The following SKA1 variants were observed in gnomAD, a reference collection of about 807,000 sequenced individuals.
SKA1 encodes SKA complex subunit 1.
A neutral mutation model predicts 31.8 loss-of-function variants in SKA1; 20 were observed. The observed-to-expected ratio is 0.63, with a 90% CI of 0.44 to 0.91. The LOEUF is 0.91. Among genes scored for constraint, SKA1 ranks in the 40% least tolerant of loss-of-function variants. The probability of loss-of-function intolerance (pLI) is 0.00; values close to 1 mark genes in which losing one functional copy is unlikely to be tolerated. For synonymous variants in SKA1, 88 were observed against 100.5 expected, an observed-to-expected ratio of 0.88 and a Z score of 0.74; for missense variants, 253 against 298.2, an observed-to-expected ratio of 0.85 and a Z score of 1.12.
rs1271981373 is a variant in SKA1 at position 50,393,121 on chromosome 18, A to G, written c.*874A>G. ...TACTAGGCACATAATGGAACTAAAA[A>G]ATGCTCATGTCCAGTTTTTGTGTTG... On this transcript the variant is annotated 3_prime_UTR_variant, in exon 7 of 7. Transcript: ENST00000285116. 2 of 152,292 alleles carry G rather than the reference A, an allele frequency of 1.3e-5. No homozygotes were observed. Among genetic ancestry groups the G allele is most frequent in the African/African-American group, 4.8e-5 (2 of 41,466 alleles). 9.4% of individuals were successfully genotyped at this position (152,292 alleles called of 1,614,324 possible). A position where few individuals can be genotyped will look rare whatever the true frequency, so the allele number is the denominator to read the frequency against.
chr18:50,384,683 A>AAGCTGT (rs2041289017), intron 4 of SKA1, among the ~76,000 whole-genome samples: 1 of 123,806 alleles, frequency 8.1e-6, no homozygotes, highest in African/African-American at 3.3e-5. Flanking sequence ...AGGAAGGGGA[A>AAGCTGT]TATCACACTC....
intron 2 of SKA1, among the ~76,000 whole-genome samples, chr18:50,377,041 C>CTT (rs11424975): frequency 3.3e-4 from 49 of 149,364 alleles, no homozygotes; most frequent in South Asian, 4.2e-4. Context: ...TTACAGTTAA[C>CTT]TTTTTTTTTT....
At chr18:50,390,223 TGGAAATATGAACATTTTCTTTTAAA>T (rs2041345715) in intron 5 of SKA1, among the ~76,000 whole-genome samples, 2 of 152,342 alleles carry the variant, frequency 1.3e-5, no homozygotes, top group South Asian at 4.1e-4. Context: ...AGTGTTTTTT[TGGAAATATGAACATTTTCTTTTAAA>T]TAAACTTCCA....
chr18:50,388,791 C>T (rs545584973), intron 5 of SKA1, among the ~76,000 whole-genome samples: 32 of 151,906 alleles, frequency 2.1e-4, no homozygotes, highest in Admixed American at 5.9e-4. Context: ...TGCTGATGCT[C>T]AAGAGAATTT....
At chr18:50,385,416 A>G in intron 5 of SKA1, 63 bp downstream of exon 5, 2 of 1,326,822 alleles carry the variant, frequency 1.5e-6, no homozygotes, top group East Asian at 4.9e-5. Context: ...TTTAAATAAT[A>G]AAGCTTAATT....
chr18:50,390,605 C>T (rs61372979), intron 5 of SKA1, among the ~76,000 whole-genome samples: 7,242 of 152,202 alleles, frequency 0.048, 590 homozygotes, highest in African/African-American at 0.17. Flanking sequence ...CTATATATCC[C>T]CTACCCCATC....
intron 6 of SKA1, 30 bp downstream of exon 6, chr18:50,391,323 G>A: frequency 6.5e-7 from 1 of 1,528,226 alleles, no homozygotes; most frequent in Non-Finnish European, 8.8e-7. Context: ...GTGTGTACAT[G>A]TGAACTGTTC....
At chr18:50,383,580 G>A (rs1293231604) in intron 4 of SKA1, among the ~76,000 whole-genome samples, 3 of 152,170 alleles carry the variant, frequency 2.0e-5, no homozygotes, top group Non-Finnish European at 2.9e-5. Context: ...TCACCTCGGT[G>A]AGGACTTGGC....
chr18:50,379,474 CCA>C (rs1379456322), intron 2 of SKA1, among the ~76,000 whole-genome samples: 4 of 152,130 alleles, frequency 2.6e-5, no homozygotes, highest in Non-Finnish European at 5.9e-5. Flanking sequence ...CCCACCCCTT[CCA>C]CACACACACT....
At chr18:50,378,965 T>G (rs1246688058) in intron 2 of SKA1, among the ~76,000 whole-genome samples, 1 of 152,214 alleles carries the variant, frequency 6.6e-6, no homozygotes, top group Admixed American at 6.5e-5. Flanking sequence ...TAAGCCCATC[T>G]TATATGTACT....
In SKA1 at chr18:50,393,310, AG is replaced by A. The variant is rs2041375529; in HGVS notation, c.*1064del. 1.3e-5 allele frequency: 2 copies of A among 152,404 alleles called. No individual in the cohort carries two copies. Among genetic ancestry groups the A allele is most frequent in the Admixed American group, 1.3e-4 (2 of 15,290 alleles). 9.4% of individuals were successfully genotyped at this position (152,404 alleles called of 1,614,324 possible). A position where few individuals can be genotyped will look rare whatever the true frequency, so the allele number is the denominator to read the frequency against. Reference sequence around the variant, plus strand: ...GGGCAACAGAGCGAGACTCCATCTCAGAAAAAAAGAAAAAAAGACTGGGTAC... The same window carrying A: ...GGGCAACAGAGCGAGACTCCATCTCAAAAAAAAGAAAAAAAGACTGGGTAC... On this transcript the variant is annotated 3_prime_UTR_variant, in exon 7 of 7. Coordinates refer to ENST00000285116, the MANE Select transcript of SKA1 (RefSeq NM_145060.4).
At chr18:50,383,149 C>G (rs8095350) in intron 4 of SKA1, among the ~76,000 whole-genome samples, 55,845 of 152,046 alleles carry the variant, frequency 0.37, 10,832 homozygotes, top group East Asian at 0.62. Context: ...TCTGCTTTTT[C>G]CCCGAGGCCC....
At position 50,392,411 on chromosome 18, in the gene SKA1, C is replaced by A; in HGVS notation, c.*164C>A. 1 of 420,200 alleles carries A rather than the reference C, an allele frequency of 2.4e-6. No homozygotes were observed. The highest frequency in any genetic ancestry group is 3.8e-6 in the Non-Finnish European group (1 of 262,096). The allele number at this position is 420,200 out of a possible 1,614,324, so 26.0% of individuals were successfully genotyped here. Reference sequence around the variant, plus strand: ...TCACCCAGGGGCTTGCTTTGTCACGCAGGCTAGAGTGCAGTGGCGCAAACA... The same window carrying A: ...TCACCCAGGGGCTTGCTTTGTCACGAAGGCTAGAGTGCAGTGGCGCAAACA... On this transcript the variant is annotated 3_prime_UTR_variant, in exon 7 of 7. Transcript: ENST00000285116.
At chr18:50,380,313 A>C in intron 3 of SKA1, 63 bp downstream of exon 3, 1 of 1,460,500 alleles carries the variant, frequency 6.8e-7, no homozygotes, top group Admixed American at 2.8e-5. Flanking sequence ...CTAATCATTA[A>C]GTAATTTTTA....
At chr18:50,381,617 G>C (rs961324323) in intron 3 of SKA1, among the ~76,000 whole-genome samples, 1 of 151,522 alleles carries the variant, frequency 6.6e-6, no homozygotes, top group Non-Finnish European at 1.5e-5. Context: ...ATCCAGTAGA[G>C]AAAAATATTA....
chr18:50,377,127 T>G (rs1031838348), intron 2 of SKA1, among the ~76,000 whole-genome samples: 10 of 152,152 alleles, frequency 6.6e-5, no homozygotes, highest in Admixed American at 1.3e-4. Context: ...TAGTAACCAT[T>G]TATTATCAAT....
chr18:50,392,212 C>T lies in SKA1; in HGVS notation c.733C>T (p.Arg245Ter), dbSNP rs546001416. The T allele has an allele frequency of 6.9e-6, 11 of 1,599,982 alleles. No individual in the cohort carries two copies. Among genetic ancestry groups the T allele is most frequent in the African/African-American group, 2.7e-5 (2 of 74,068 alleles). The change falls in exon 7 of 7, where the codon CGA becomes TGA. Residue 245 changes from arginine to a stop codon, truncating the protein, a stop_gained. Transcript: ENST00000285116. LOFTEE classifies it high-confidence loss of function. ...ACACTGCCGGAGGCTATCAGAGGTC[C>T]GAGGGGGAGGACTTACTCGTTATGT... ...LRHCRRLSEVRGGGLTRYVIT is the reference protein window; with the variant it reads ...LRHCRRLSEV
Position 50,375,917 on chromosome 18 carries a change from T to C in SKA1, c.87T>C (p.Cys29=), listed in dbSNP as rs191777053. 7.6e-6 allele frequency: 12 copies of C among 1,572,668 alleles called. No individual in the cohort carries two copies. In the Admixed American group the frequency reaches 1.0e-4, roughly 13 times the overall value. ...AGAAAACCTTATCATTAAGAAACTG[T>C]GGTAAGTAAAACAGATTCCACTGAC... ...NIKKTLSLRN[C]GQEPTLKTVL... is the part of the protein sequence containing the mutation. Residue 29 remains cysteine, a splice_region_variant and synonymous_variant, in exon 2 of 7, where the codon TGT becomes TGC. Transcript: ENST00000285116.
In SKA1 at chr18:50,380,266, T is replaced by C; in HGVS notation, c.213+16T>C. The C allele has an allele frequency of 6.5e-7, 1 of 1,535,850 alleles. No homozygotes were observed. The stretch of plus-strand genomic sequence containing the variant: ...TTCACTCAAGGTAATGTTTCTCTAA[T>C]GAGGAAGCAGTAAAAAAGACAATAC... On this transcript the variant is annotated intron_variant, in intron 3 of 6. Transcript: ENST00000285116.
Sources: gnomAD v4.1 joint callset for allele counts (sites outside exome capture counted in the v4.1 genomes callset) on GRCh38, gnomAD v4.1.1 for gene constraint, MANE v1.5 for transcripts, NCBI Gene and HGNC (gene_info 2026-07-23, HGNC 2026-07-21) for gene names.